Variants in HERC4 observed in about 807,000 individuals in gnomAD.
HERC4 encodes probable E3 ubiquitin-protein ligase HERC4.
HERC4 carries 28 observed loss-of-function variants against 124.3 expected under a neutral mutation model. The observed-to-expected ratio is 0.23, with a 90% CI of 0.17 to 0.31. HERC4 has a LOEUF of 0.31. HERC4 is among the 10% of genes least tolerant of loss of function. HERC4 has a pLI of 1.00. For missense variants in HERC4, 713 were observed against 1,229.3 expected (o/e 0.58, Z 6.28); for synonymous variants, 407 against 421.5 (o/e 0.97, Z 0.42).
At position 67,992,230 on chromosome 10, in the gene HERC4, G is replaced by T; in HGVS notation, c.1240C>A (p.Pro414Thr). 1 of 1,614,052 alleles carries T rather than the reference G, an allele frequency of 6.2e-7. No individual in the cohort carries two copies. Among genetic ancestry groups the T allele is most frequent in the Non-Finnish European group, 8.5e-7 (1 of 1,179,962 alleles). ...EALIQKWLSY[P>T]SGRFPVEIAN... ...ATCTCCACAGGAAACCTTCCAGAAGGATAGCTCAGCCATTTCTGAATTAGA... is the reference window on the plus strand; with the variant it reads ...ATCTCCACAGGAAACCTTCCAGAAGTATAGCTCAGCCATTTCTGAATTAGA... Residue 414 changes from proline to threonine, a missense_variant, in exon 11 of 25, where the codon CCT becomes ACT. Pro to Thr is a conservative substitution (Grantham distance 38). Transcript: ENST00000373700.
At chr10:68,016,232 T>G (rs776233282) in intron 8 of HERC4, among the ~76,000 whole-genome samples, 2 of 152,262 alleles carry the variant, frequency 1.3e-5, no homozygotes, top group African/African-American at 2.4e-5. Flanking sequence ...ACTACTGGAA[T>G]GTAAACCTTT....
chr10:67,987,047 A>G (rs2036302897), intron 15 of HERC4, among the ~76,000 whole-genome samples: 1 of 152,122 alleles, frequency 6.6e-6, no homozygotes, highest in Non-Finnish European at 1.5e-5. Context: ...TGAACTACAG[A>G]CAAAGGAGGT....
At chr10:67,946,348 AACACACACACACACACAC>A (rs58692888) in intron 19 of HERC4, among the ~76,000 whole-genome samples, 54 of 128,512 alleles carry the variant, frequency 4.2e-4, no homozygotes, top group African/African-American at 6.1e-4. Context: ...ATAAAACACA[AACACACACACACACACAC>A]ACACACACAC....
At chr10:68,042,556 G>A (rs1392731640) in intron 4 of HERC4, among the ~76,000 whole-genome samples, 7 of 152,194 alleles carry the variant, frequency 4.6e-5, no homozygotes, top group East Asian at 1.9e-4. Context: ...CCAGGAGGTC[G>A]AGGCTGCAGT....
At chr10:68,010,454 A>G in intron 9 of HERC4, 2 of 935,506 alleles carry the variant, frequency 2.1e-6, no homozygotes, top group Non-Finnish European at 3.4e-6. Context: ...TCTGGCGCCA[A>G]TTACAGAACC....
Position 67,925,186 on chromosome 10 carries a change from T to C in HERC4, c.2840A>G (p.Asn947Ser). The change falls in exon 24 of 25, where the codon AAT becomes AGT. Residue 947 changes from asparagine to serine, a missense_variant and splice_region_variant. Transcript: ENST00000373700. ...CCAATATTCCCCTTTGTATTCTGTA[T>C]TCTAAAAACAACATAATCTTTTATT... ...TNYDWKELEKNTEYKGEYWAE... is the reference protein window; with the variant it reads ...TNYDWKELEKSTEYKGEYWAE... The C allele has an allele frequency of 6.5e-6, 10 of 1,534,528 alleles. No individual in the cohort carries two copies. The highest frequency in any genetic ancestry group is 9.0e-6 in the Non-Finnish European group (10 of 1,108,986).
At chr10:67,950,467 G>A (rs950140995) in intron 19 of HERC4, among the ~76,000 whole-genome samples, 1 of 152,156 alleles carries the variant, frequency 6.6e-6, no homozygotes, top group East Asian at 1.9e-4. Context: ...GTAGAGACAG[G>A]GTTTCACCAT....
intron 15 of HERC4, among the ~76,000 whole-genome samples, chr10:67,987,272 C>T (rs2036315120): frequency 6.6e-6 from 1 of 152,018 alleles, no homozygotes; most frequent in African/African-American, 2.4e-5. Context: ...GTTCAATTTC[C>T]CCCGCTTCTC....
chr10:68,058,163 C>G (rs1313356766), intron 3 of HERC4, among the ~76,000 whole-genome samples: 4 of 152,046 alleles, frequency 2.6e-5, no homozygotes, highest in African/African-American at 7.2e-5. Context: ...GGAATCCAAT[C>G]CATTTTATAT....
intron 17 of HERC4, chr10:67,955,734 G>GCA (rs1160949900): frequency 6.6e-6 from 1 of 152,130 alleles, no homozygotes; most frequent in Non-Finnish European, 1.5e-5. Flanking sequence ...CTGTACCACT[G>GCA]CACTACAGCC....
At chr10:68,055,001 C>CA (rs2040483630) in intron 3 of HERC4, among the ~76,000 whole-genome samples, 1 of 152,164 alleles carries the variant, frequency 6.6e-6, no homozygotes, top group Admixed American at 6.5e-5. Flanking sequence ...CGGCTCACTG[C>CA]AACCTCCAGC....
intron 3 of HERC4, among the ~76,000 whole-genome samples, chr10:68,057,790 T>G (rs2040626941): frequency 6.6e-6 from 1 of 151,824 alleles, no homozygotes; most frequent in Non-Finnish European, 1.5e-5. Context: ...ACCACCACCT[T>G]CTGGGTTCAA....
intron 3 of HERC4, among the ~76,000 whole-genome samples, chr10:68,047,830 T>C (rs1206151950): frequency 1.3e-5 from 2 of 152,186 alleles, no homozygotes; most frequent in African/African-American, 4.8e-5. Flanking sequence ...GGCAGATTCT[T>C]ACAAAAGTAA....
intron 11 of HERC4, 125 bp from the exon 12 acceptor site, chr10:67,991,324 C>T (rs992284655): frequency 2.2e-6 from 1 of 458,016 alleles, no homozygotes; most frequent in African/African-American, 2.0e-5. Context: ...TCCTCTAACA[C>T]CCAATTAGAT....
At chr10:67,927,515 T>A (rs2031261076) in intron 23 of HERC4, among the ~76,000 whole-genome samples, 1 of 149,108 alleles carries the variant, frequency 6.7e-6, no homozygotes, top group Non-Finnish European at 1.5e-5. Flanking sequence ...AACCTCTGCC[T>A]CCCAGGTTCA....
In HERC4 at chr10:67,992,619, T is replaced by A; in HGVS notation, c.1133A>T (p.Tyr378Phe). 6.6e-7 allele frequency: 1 copy of A among 1,523,154 alleles called. No homozygotes were observed. The highest frequency in any genetic ancestry group is 9.0e-7 in the Non-Finnish European group (1 of 1,105,700). 94.4% of individuals were successfully genotyped at this position (1,523,154 alleles called of 1,614,324 possible). Residue 378 changes from tyrosine to phenylalanine, a missense_variant, in exon 10 of 25, where the codon TAC becomes TTC. Physicochemically the swap from Tyr to Phe is conservative, Grantham distance 22. Coordinates refer to ENST00000373700, the MANE Select transcript of HERC4 (RefSeq NM_015601.4). ...CTATATTATTACCTGGGGACTAGAGTAATGTGAAAAGCTTTGATCTCCCCC... is the reference window on the plus strand; with the variant it reads ...CTATATTATTACCTGGGGACTAGAGAAATGTGAAAAGCTTTGATCTCCCCC... ...FSGGDQSFSH[Y>F]SSPQNCGPPD...
intron 19 of HERC4, among the ~76,000 whole-genome samples, chr10:67,950,555 C>T (rs2033717393): frequency 6.6e-6 from 1 of 152,064 alleles, no homozygotes. Flanking sequence ...GGATTACAGG[C>T]ATGAGCCACC....
chr10:68,002,545 A>C (rs2037292636), intron 9 of HERC4, among the ~76,000 whole-genome samples: 1 of 152,134 alleles, frequency 6.6e-6, no homozygotes, highest in Non-Finnish European at 1.5e-5. Flanking sequence ...AGTTTGGCTA[A>C]AGCTGCATGG....
At chr10:67,952,299 T>C (rs987168984) in intron 19 of HERC4, among the ~76,000 whole-genome samples, 2 of 152,132 alleles carry the variant, frequency 1.3e-5, no homozygotes, top group African/African-American at 2.4e-5. Context: ...CAGCTAAACA[T>C]GACTAAAGAG....
Sources: allele counts gnomAD v4.1 joint callset (sites outside exome capture counted in the v4.1 genomes callset), GRCh38; gene constraint gnomAD v4.1.1; transcripts MANE v1.5; gene names NCBI Gene and HGNC (gene_info 2026-07-23, HGNC 2026-07-21).